ALKBH1: variants seen among roughly 807,000 people sequenced by gnomAD.
The protein encoded by ALKBH1 is alkB homolog 1, histone H2A dioxygenase.
Under a neutral mutation model 36.6 loss-of-function variants are expected in ALKBH1, and 31 were observed. The observed-to-expected ratio is 0.85, with a 90% CI of 0.64 to 1.14. ALKBH1 has a LOEUF of 1.14. Among genes scored for constraint, ALKBH1 ranks in the 50% most tolerant of loss-of-function variants. The pLI is 0.00. For synonymous variants in ALKBH1, 183 were observed against 186.6 expected (o/e 0.98, Z 0.16); for missense variants, 490 against 497.3 (o/e 0.99, Z 0.14).
At chr14:77,692,796 GTATTTATT>G (rs10638828) in intron 3 of ALKBH1, among the ~76,000 whole-genome samples, 88 of 150,234 alleles carry the variant, frequency 5.9e-4, no homozygotes, top group African/African-American at 1.8e-3. Context: ...CTACCAAATT[GTATTTATT>G]TATTTATTTA....
intron 3 of ALKBH1, among the ~76,000 whole-genome samples, chr14:77,681,889 C>T (rs559314346): frequency 7.1e-4 from 108 of 152,314 alleles, no homozygotes; most frequent in African/African-American, 2.5e-3. Context: ...TTGCCATATC[C>T]GGTGTGACTT....
intron 3 of ALKBH1, among the ~76,000 whole-genome samples, chr14:77,685,459 A>G (rs998096465): frequency 6.8e-6 from 1 of 146,086 alleles, no homozygotes; most frequent in Non-Finnish European, 1.5e-5. Flanking sequence ...AAAAAAAAAC[A>G]AGGACTCTAA....
At chr14:77,687,916 C>T (rs74635519) in intron 3 of ALKBH1, among the ~76,000 whole-genome samples, 2 of 151,722 alleles carry the variant, frequency 1.3e-5, no homozygotes, top group African/African-American at 4.8e-5. Context: ...CTCATCTCAT[C>T]TCTCTTCGTG....
intron 4 of ALKBH1, among the ~76,000 whole-genome samples, chr14:77,677,446 T>C (rs796129389): frequency 1.3e-5 from 2 of 152,328 alleles, no homozygotes; most frequent in African/African-American, 2.4e-5. Flanking sequence ...GAGGGCTATT[T>C]GGGCTATATG....
chr14:77,679,895 A>G lies in ALKBH1; in HGVS notation c.531T>C (p.Tyr177=). 3 of 1,614,082 alleles carry G rather than the reference A, an allele frequency of 1.9e-6. No individual in the cohort carries two copies. The highest frequency in any genetic ancestry group is 2.5e-6 in the Non-Finnish European group (3 of 1,179,906). Residue 177 remains tyrosine, a synonymous_variant, in exon 4 of 6, where the codon TAT becomes TAC. Transcript: ENST00000216489. ...ACCTGAATACCTTACTGTCCCAGTT[A>G]TAATGGTAGCCTACGGTCACCCAAC... is the stretch of plus-strand genomic sequence containing the variant. The part of the protein sequence containing the change: ...KLRWVTVGYH[Y]NWDSKKYSAD...
At chr14:77,683,527 C>A in intron 3 of ALKBH1, 1 of 642,346 alleles carries the variant, frequency 1.6e-6, no homozygotes, top group Non-Finnish European at 2.9e-6. Flanking sequence ...ATGGGCCATT[C>A]CTTTTTGAAC....
intron 1 of ALKBH1, among the ~76,000 whole-genome samples, chr14:77,705,012 C>T (rs1262963319): frequency 2.0e-5 from 3 of 152,152 alleles, no homozygotes; most frequent in Admixed American, 6.6e-5. Context: ...TCTTGAGTCA[C>T]AAAGCTATTT....
intron 3 of ALKBH1, among the ~76,000 whole-genome samples, chr14:77,689,283 A>G (rs553801891): frequency 6.6e-6 from 1 of 152,294 alleles, no homozygotes; most frequent in Admixed American, 6.5e-5. Flanking sequence ...TGCAACTTCT[A>G]TTCAAGTATA....
chr14:77,707,103 G>C (rs2139870776), intron 1 of ALKBH1, among the ~76,000 whole-genome samples: 1 of 152,294 alleles, frequency 6.6e-6, no homozygotes, highest in East Asian at 1.9e-4. Context: ...CAGGTTATGA[G>C]ACTGGCTAAT....
chr14:77,682,209 A>G (rs548584654), intron 3 of ALKBH1, among the ~76,000 whole-genome samples: 16 of 152,202 alleles, frequency 1.1e-4, no homozygotes, highest in Non-Finnish European at 1.9e-4. Flanking sequence ...TGTGCATAAA[A>G]ACTGAAATAT....
At chr14:77,682,602 TG>T (rs1323647524) in intron 3 of ALKBH1, among the ~76,000 whole-genome samples, 1 of 152,098 alleles carries the variant, frequency 6.6e-6, no homozygotes, top group African/African-American at 2.4e-5. Flanking sequence ...ATGGTAGAAG[TG>T]GTAGTAAAAG....
Position 77,674,106 on chromosome 14 carries a change from G to C in ALKBH1, c.876C>G (p.Val292=). The part of the protein sequence containing the change: ...SRLLNHAVPR[V]LPNPEGEGLP... Reference sequence around the variant, plus strand: ...GGCCTTCCCCTTCTGGATTTGGAAGGACACGAGGGACTGCGTGGTTCAAGA... The same window carrying C: ...GGCCTTCCCCTTCTGGATTTGGAAGCACACGAGGGACTGCGTGGTTCAAGA... Residue 292 remains valine (V), a synonymous_variant, in exon 6 of 6, where the codon GTC becomes GTG. Transcript: ENST00000216489. 1 of 1,614,144 alleles carries C rather than the reference G, an allele frequency of 6.2e-7. No homozygotes were observed. Among genetic ancestry groups the C allele is most frequent in the Non-Finnish European group, 8.5e-7 (1 of 1,180,028 alleles).
At chr14:77,683,374 C>T (rs962907923) in intron 3 of ALKBH1, 17 of 774,714 alleles carry the variant, frequency 2.2e-5, no homozygotes, top group Non-Finnish European at 3.2e-5. Flanking sequence ...GAAGCTATCT[C>T]GGCTCTTAGA....
intron 3 of ALKBH1, 92 bp downstream of exon 3, chr14:77,694,646 A>C (rs933133454): frequency 1.9e-5 from 21 of 1,086,184 alleles, no homozygotes; most frequent in Admixed American, 9.2e-5. Flanking sequence ...CCAGCCAGTC[A>C]CTTTTACTGC....
At chr14:77,688,813 C>A (rs1037863902) in intron 3 of ALKBH1, among the ~76,000 whole-genome samples, 2 of 152,048 alleles carry the variant, frequency 1.3e-5, no homozygotes, top group Admixed American at 6.6e-5. Flanking sequence ...CTCAGGTGAT[C>A]CCCCCACCTT....
At chr14:77,681,000 G>A (rs1485838923) in intron 3 of ALKBH1, among the ~76,000 whole-genome samples, 3 of 152,104 alleles carry the variant, frequency 2.0e-5, no homozygotes, top group Non-Finnish European at 4.4e-5. Context: ...TAAAAAGGAA[G>A]CTTGTTTGTT....
chr14:77,686,323 G>A (rs2080268058), intron 3 of ALKBH1, among the ~76,000 whole-genome samples: 1 of 152,202 alleles, frequency 6.6e-6, no homozygotes, highest in African/African-American at 2.4e-5. Flanking sequence ...CCAAAAGGAG[G>A]TCAAGAAGGA....
In ALKBH1 at chr14:77,674,067, T is replaced by C; in HGVS notation, c.915A>G (p.Leu305=). 1 of 1,614,172 alleles carries C rather than the reference T, an allele frequency of 6.2e-7. No homozygotes were observed. The highest frequency in any genetic ancestry group is 8.5e-7 in the Non-Finnish European group (1 of 1,180,028). Residue 305 remains leucine (L), a synonymous_variant, in exon 6 of 6, where the codon CTA becomes CTG. Coordinates refer to ENST00000216489, the MANE Select transcript of ALKBH1 (RefSeq NM_006020.3). ...GGAGGACAGCAGGGAGAGGTGCCTC[T>C]AGGCAGTGAGGCAGGCCTTCCCCTT... ...NPEGEGLPHC[L]EAPLPAVLPR...
At chr14:77,685,858 T>C (rs1391179720) in intron 3 of ALKBH1, among the ~76,000 whole-genome samples, 1 of 152,156 alleles carries the variant, frequency 6.6e-6, no homozygotes, top group Non-Finnish European at 1.5e-5. Flanking sequence ...GAGTCTTACA[T>C]TGAAAAGCAT....
Sources: gnomAD v4.1 joint callset for allele counts (sites outside exome capture counted in the v4.1 genomes callset) on GRCh38, gnomAD v4.1.1 for gene constraint, MANE v1.5 for transcripts, NCBI Gene and HGNC (gene_info 2026-07-23, HGNC 2026-07-21) for gene names.